Variants in MGA observed in about 807,000 individuals in gnomAD.
MGA encodes MAX gene-associated protein.
Under a neutral mutation model 261.1 loss-of-function variants are expected in MGA, and 40 were observed. The observed-to-expected ratio is 0.15, with a 90% CI of 0.12 to 0.20. The LOEUF (loss-of-function observed/expected upper bound fraction) is 0.20, where lower values mean the gene tolerates loss of function less well. Among genes scored for constraint, MGA ranks in the 10% least tolerant of loss-of-function variants. The pLI, the probability that MGA is intolerant of heterozygous loss-of-function variation, is 1.00. For synonymous variants in MGA, 1,302 were observed against 1,290.6 expected, an observed-to-expected ratio of 1.01 and a Z score of -0.19; for missense variants, 3,397 against 3,630.5, an observed-to-expected ratio of 0.94 and a Z score of 1.65.
At chr15:41,717,180 T>C (rs1488903082) in intron 9 of MGA, among the ~76,000 whole-genome samples, 5 of 152,164 alleles carry the variant, frequency 3.3e-5, no homozygotes, top group African/African-American at 1.2e-4. Flanking sequence ...TAATTCTGCC[T>C]CCTTGTTGTA....
chr15:41,651,414 T>C (rs1243360466), intron 1 of MGA, among the ~76,000 whole-genome samples: 2 of 152,222 alleles, frequency 1.3e-5, no homozygotes, highest in African/African-American at 4.8e-5. Context: ...ATTGACTACA[T>C]AGCCACTGAT....
chr15:41,659,962 G>A (rs1194698056), upstream of MGA, among the ~76,000 whole-genome samples: 1 of 152,230 alleles, frequency 6.6e-6, no homozygotes, highest in Non-Finnish European at 1.5e-5. Flanking sequence ...GTACTCCGGG[G>A]TGGAAGACCT....
chr15:41,734,741 A>G, intron 12 of MGA, 147 bp downstream of exon 12: 1 of 620,014 alleles, frequency 1.6e-6, no homozygotes, highest in African/African-American at 1.9e-5. Flanking sequence ...ACAATAAGTA[A>G]AAGTTTTTTT....
chr15:41,714,286 A>C (rs899429385), intron 9 of MGA, among the ~76,000 whole-genome samples: 2 of 152,050 alleles, frequency 1.3e-5, no homozygotes, highest in Non-Finnish European at 2.9e-5. Context: ...TTGTAGATCT[A>C]ATTTTATAAT....
At position 41,692,187 on chromosome 15, in the gene MGA, C is replaced by A. The variant is rs568571311; in HGVS notation, c.1065-3888C>A. 3.3e-5 allele frequency among the ~76,000 whole-genome samples: 5 copies of A among 152,160 alleles called. No individual in the cohort carries two copies. The South Asian group carries it at 1.0e-3, about 32-fold the overall frequency. ...CCTATTTTAGTAAATTTCAGCTCACCTCTCGTTTCAGCTGTGTCAAGGGAG... is the reference window on the plus strand; with the variant it reads ...CCTATTTTAGTAAATTTCAGCTCACATCTCGTTTCAGCTGTGTCAAGGGAG... On this transcript the variant is annotated intron_variant, in intron 2 of 23. Transcript: ENST00000219905.
At chr15:41,690,004 C>T (rs1353629831) in intron 2 of MGA, among the ~76,000 whole-genome samples, 4 of 152,102 alleles carry the variant, frequency 2.6e-5, no homozygotes, top group South Asian at 2.1e-4. Context: ...CACAGGATTG[C>T]ACAACCGTTA....
Position 41,767,638 on chromosome 15 carries a change from C to A in MGA, c.*358C>A, listed in dbSNP as rs924277946. The A allele has an allele frequency of 1.6e-5, 4 of 253,524 alleles. No homozygotes were observed. Among genetic ancestry groups the A allele is most frequent in the Non-Finnish European group, 3.1e-5 (4 of 130,904 alleles). The allele number at this position is 253,524 out of a possible 1,614,324, so 15.7% of individuals were successfully genotyped here. A position where few individuals can be genotyped will look rare whatever the true frequency, so the allele number is the denominator to read the frequency against. On this transcript the variant is annotated 3_prime_UTR_variant, in exon 24 of 24. Coordinates refer to ENST00000219905, the MANE Select transcript of MGA (RefSeq NM_001164273.2). ...CCACAAGCGAAAGAGCTGTTTGCAA[C>A]TTTGGAGTTGCTGTAGACTGAACTG...
chr15:41,764,484 A>T (rs534204387), intron 22 of MGA, among the ~76,000 whole-genome samples: 1 of 152,124 alleles, frequency 6.6e-6, no homozygotes, highest in East Asian at 1.9e-4. Context: ...TGATCTCCTG[A>T]CCTCGTGATC....
At chr15:41,731,170 A>G (rs1406170887) in intron 11 of MGA, among the ~76,000 whole-genome samples, 4 of 152,310 alleles carry the variant, frequency 2.6e-5, no homozygotes, top group African/African-American at 4.8e-5. Context: ...TAAATTATAT[A>G]TCATTTAGAA....
intron 1 of MGA, among the ~76,000 whole-genome samples, chr15:41,637,170 A>G (rs150803974): frequency 1.3e-5 from 2 of 152,314 alleles, no homozygotes; most frequent in African/African-American, 4.8e-5. Flanking sequence ...GAGATTTGGT[A>G]TGATAAGAGT....
chr15:41,724,066 G>T lies in MGA; in HGVS notation c.3431-3114G>T, dbSNP rs1321148375. Among the ~76,000 whole-genome samples the T allele has an allele frequency of 1.3e-5, 2 of 151,698 alleles. 1 individual carries two copies. Among genetic ancestry groups the T allele is most frequent in the South Asian group, 4.1e-4 (2 of 4,826 alleles). ...TTGCTTAGTATAATGCTTAGTTTAT[G>T]GAGGCTTAGAAAATCCTTAAAAGAT... On this transcript the variant is annotated intron_variant, in intron 9 of 23. Coordinates refer to ENST00000219905, the MANE Select transcript of MGA (RefSeq NM_001164273.2).
intron 9 of MGA, among the ~76,000 whole-genome samples, chr15:41,722,534 G>A (rs1015480510): frequency 2.6e-5 from 4 of 152,134 alleles, no homozygotes; most frequent in Non-Finnish European, 5.9e-5. Context: ...TATAGGAAGG[G>A]GAGGGATTGT....
chr15:41,765,925 A>G, intron 23 of MGA, 79 bp from the exon 24 acceptor site: 1 of 1,174,226 alleles, frequency 8.5e-7, no homozygotes, highest in Non-Finnish European at 1.2e-6. Context: ...TAAGATGGTT[A>G]TATGATATGA....
At chr15:41,744,554 A>C (rs1453607131) in intron 15 of MGA, among the ~76,000 whole-genome samples, 1 of 152,142 alleles carries the variant, frequency 6.6e-6, no homozygotes, top group Non-Finnish European at 1.5e-5. Flanking sequence ...TAAGCCCATA[A>C]ATCATGATTA....
rs1021751926 is a variant in MGA, at chr15:41,748,741, A to T, written c.5317A>T (p.Thr1773Ser). ...GATTCCAGTGCAGCAGGGTTCTCCT[A>T]CTCTTAGACCTGTCTCAAACACACA... The change falls in exon 16 of 24, where the codon ACT (threonine) becomes TCT (serine). Residue 1773 changes from threonine to serine, a missense_variant. Transcript: ENST00000219905. 4 of 1,613,690 alleles carry T rather than the reference A, an allele frequency of 2.5e-6. No homozygotes were observed. The highest frequency in any genetic ancestry group is 3.4e-6 in the Non-Finnish European group (4 of 1,179,860).
intron 5 of MGA, among the ~76,000 whole-genome samples, chr15:41,706,931 TA>T (rs971538275): frequency 1.2e-3 from 178 of 152,300 alleles, no homozygotes; most frequent in African/African-American, 4.2e-3. Context: ...AAATTTAAGT[TA>T]AATACCTTCC....
intron 19 of MGA, among the ~76,000 whole-genome samples, chr15:41,759,138 A>G (rs2063310431): frequency 6.6e-6 from 1 of 152,186 alleles, no homozygotes; most frequent in South Asian, 2.1e-4. Context: ...GAAATAAGAA[A>G]TTAAGGTAGA....
At chr15:41,636,236 C>T (rs2056701623) in intron 1 of MGA, among the ~76,000 whole-genome samples, 2 of 150,370 alleles carry the variant, frequency 1.3e-5, no homozygotes, top group African/African-American at 4.9e-5. Flanking sequence ...ACTCCTGGGC[C>T]CAAGCAATTC....
At chr15:41,675,362 C>CT (rs869188873) in intron 2 of MGA, among the ~76,000 whole-genome samples, 49 of 148,630 alleles carry the variant, frequency 3.3e-4, no homozygotes, top group African/African-American at 1.1e-3. Flanking sequence ...GCTATTGCTG[C>CT]TTTTTTTTTT....
Sources: allele counts gnomAD v4.1 joint callset (sites outside exome capture counted in the v4.1 genomes callset), GRCh38; gene constraint gnomAD v4.1.1; transcripts MANE v1.5; gene names NCBI Gene and HGNC (gene_info 2026-07-23, HGNC 2026-07-21).